Variants in ATL3 observed in about 807,000 individuals in gnomAD.
ATL3 encodes atlastin-3.
ATL3 carries 49 observed loss-of-function variants against 69.5 expected under a neutral mutation model. That is an observed-to-expected ratio of 0.71 (90% CI 0.56 to 0.89). The LOEUF (loss-of-function observed/expected upper bound fraction) is 0.89. Among genes scored for constraint, ATL3 ranks in the 40% least tolerant of loss-of-function variants. ATL3 has a pLI of 0.00. For synonymous variants in ATL3, 214 were observed against 224.1 expected (o/e 0.95, Z 0.40); for missense variants, 606 against 645.7 (o/e 0.94, Z 0.67).
chr11:63,659,129 T>C lies in ATL3; in HGVS notation c.170A>G (p.Asp57Gly). 6.2e-7 allele frequency: 1 copy of C among 1,614,066 alleles called. No individual in the cohort carries two copies. Among genetic ancestry groups the C allele is most frequent in the South Asian group, 1.1e-5 (1 of 91,076 alleles). The change falls in exon 2 of 13, where the codon GAT becomes GGT. Residue 57 changes from aspartate to glycine, a missense_variant. By Grantham distance (94) the Asp-to-Gly change is moderately conservative. Transcript: ENST00000398868. Reference protein sequence around the residue: ...ASILLQDHIRDLDVVVVSVAG... With the variant: ...ASILLQDHIRGLDVVVVSVAG... ...CACTGAAACCACCACCACATCAAGA[T>C]CTCGGATGTGGTCCTGCAAGAGGAT...
intron 10 of ATL3, among the ~76,000 whole-genome samples, chr11:63,633,879 A>C (rs920536303): frequency 3.3e-5 from 5 of 151,516 alleles, no homozygotes; most frequent in Non-Finnish European, 7.4e-5. Flanking sequence ...CCAAAAACAC[A>C]AAAAAATTAG....
At chr11:63,665,684 T>C (rs562437175) in intron 1 of ATL3, among the ~76,000 whole-genome samples, 3 of 151,896 alleles carry the variant, frequency 2.0e-5, no homozygotes, top group Non-Finnish European at 4.4e-5. Flanking sequence ...AGATCAGGAG[T>C]TCGAGACCAG....
chr11:63,642,293 AT>A (rs2134485578), intron 8 of ATL3, among the ~76,000 whole-genome samples: 2 of 152,214 alleles, frequency 1.3e-5, no homozygotes, highest in East Asian at 3.8e-4. Flanking sequence ...GAAGTGACAA[AT>A]AAAAGGTAAA....
chr11:63,646,966 C>A (rs1939902676), intron 5 of ATL3, among the ~76,000 whole-genome samples: 1 of 152,162 alleles, frequency 6.6e-6, no homozygotes, highest in African/African-American at 2.4e-5. Flanking sequence ...TGTGATGCAG[C>A]CACACTGGCC....
chr11:63,642,270 T>TA (rs1445257578), intron 8 of ATL3, among the ~76,000 whole-genome samples: 1 of 152,156 alleles, frequency 6.6e-6, no homozygotes, highest in East Asian at 1.9e-4. Context: ...GTCAATCACG[T>TA]AAAAGTATCA....
At chr11:63,651,268 G>A (rs184568794) in intron 5 of ATL3, among the ~76,000 whole-genome samples, 176 of 152,122 alleles carry the variant, frequency 1.2e-3, no homozygotes, top group Non-Finnish European at 2.0e-3. Flanking sequence ...CAGCCGGACC[G>A]ACATGGTGAA....
intron 4 of ATL3, 115 bp downstream of exon 4, chr11:63,652,356 A>G (rs529696432): frequency 6.1e-5 from 42 of 694,192 alleles, no homozygotes; most frequent in Non-Finnish European, 8.8e-5. Flanking sequence ...CAGTTTAAAA[A>G]TAATATTTAC....
At chr11:63,663,526 C>A (rs975131327) in intron 1 of ATL3, among the ~76,000 whole-genome samples, 2 of 152,170 alleles carry the variant, frequency 1.3e-5, no homozygotes, top group African/African-American at 4.8e-5. Context: ...TCAATGTATA[C>A]TAATACTTTT....
upstream of ATL3, chr11:63,671,810 G>A (rs150403363): frequency 1.3e-5 from 14 of 1,079,474 alleles, no homozygotes; most frequent in Non-Finnish European, 1.6e-5. Context: ...GGCTGGCTCG[G>A]GTCCTCCTGC....
At position 63,632,721 on chromosome 11, in the gene ATL3, T is replaced by A; in HGVS notation, c.1107+305A>T. The A allele has an allele frequency of 3.2e-6, 4 of 1,249,500 alleles. No homozygotes were observed. The South Asian group carries it at 4.9e-5, about 15-fold the overall frequency. 77.4% of individuals were successfully genotyped at this position (1,249,500 alleles called of 1,614,324 possible). A position where few individuals can be genotyped will look rare whatever the true frequency, so the allele number is the denominator to read the frequency against. ...TAATGGCCACAGATTTTCTGATGAT[T>A]AGTAAGCATTTATTCTTTTGACTTG... On this transcript the variant is annotated intron_variant, in intron 11 of 12. Transcript: ENST00000398868.
chr11:63,632,076 C>T (rs1015772784), intron 11 of ATL3, among the ~76,000 whole-genome samples: 1 of 152,054 alleles, frequency 6.6e-6, no homozygotes, highest in Non-Finnish European at 1.5e-5. Flanking sequence ...CTTTGGGACC[C>T]GAGGATTCCT....
chr11:63,648,149 A>G (rs1939947628), intron 5 of ATL3, among the ~76,000 whole-genome samples: 1 of 152,322 alleles, frequency 6.6e-6, no homozygotes, highest in East Asian at 1.9e-4. Flanking sequence ...ATCTAGACTT[A>G]GATACCAAAC....
intron 5 of ATL3, among the ~76,000 whole-genome samples, chr11:63,649,484 T>A (rs1939999073): frequency 6.6e-6 from 1 of 151,896 alleles, no homozygotes; most frequent in Non-Finnish European, 1.5e-5. Flanking sequence ...ATCTATCTGG[T>A]CTATCTGGAA....
chr11:63,646,211 G>A (rs1263593959), intron 6 of ATL3, among the ~76,000 whole-genome samples: 1 of 152,088 alleles, frequency 6.6e-6, no homozygotes, highest in Non-Finnish European at 1.5e-5. Context: ...CTTTTTAAGC[G>A]ATTACTCTGC....
At chr11:63,655,169 C>T (rs1339540324) in intron 3 of ATL3, among the ~76,000 whole-genome samples, 1 of 152,132 alleles carries the variant, frequency 6.6e-6, no homozygotes, top group African/African-American at 2.4e-5. Flanking sequence ...TTAAATGGAA[C>T]CAGAGTGTTG....
intron 3 of ATL3, among the ~76,000 whole-genome samples, chr11:63,654,304 G>A (rs1292003045): frequency 2.6e-5 from 4 of 151,174 alleles, no homozygotes; most frequent in Non-Finnish European, 4.4e-5. Context: ...CCGCCACCAC[G>A]CCCAGCTAAT....
Position 63,651,952 on chromosome 11 carries a change from T to C in ATL3, c.545A>G (p.Asp182Gly). 1.3e-6 allele frequency: 2 copies of C among 1,599,998 alleles called. No homozygotes were observed. The highest frequency in any genetic ancestry group is 1.7e-6 in the Non-Finnish European group (2 of 1,175,798). The stretch of plus-strand genomic sequence containing the variant: ...AATATATACCTGCAGCTGTTGAAGA[T>C]CATCTTCTTGAATGTTCTGAGATAA... ...YNLSQNIQED[D>G]LQQLQLFTEY... is the part of the protein sequence containing the mutation. Residue 182 changes from aspartate to glycine, a missense_variant, in exon 5 of 13, where the codon GAT (aspartate) becomes GGT (glycine). By Grantham distance (94) the Asp-to-Gly change is moderately conservative. Coordinates refer to ENST00000398868, the MANE Select transcript of ATL3 (RefSeq NM_015459.5).
At chr11:63,649,421 C>T (rs988146197) in intron 5 of ATL3, among the ~76,000 whole-genome samples, 9 of 151,912 alleles carry the variant, frequency 5.9e-5, no homozygotes, top group Non-Finnish European at 1.3e-4. Flanking sequence ...TGGGATTACA[C>T]GCATGACCCA....
intron 10 of ATL3, among the ~76,000 whole-genome samples, chr11:63,634,245 G>A (rs1236877727): frequency 2.0e-5 from 3 of 151,246 alleles, no homozygotes; most frequent in African/African-American, 7.3e-5. Context: ...GGTGACTCAC[G>A]CCTGTAATCC....
Sources: gnomAD v4.1 joint callset for allele counts (sites outside exome capture counted in the v4.1 genomes callset) on GRCh38, gnomAD v4.1.1 for gene constraint, MANE v1.5 for transcripts, NCBI Gene and HGNC (gene_info 2026-07-23, HGNC 2026-07-21) for gene names.